TFAP2A: variants seen among roughly 807,000 people sequenced by gnomAD.
TFAP2A encodes the protein transcription factor AP-2-alpha.
A neutral mutation model predicts 41.5 loss-of-function variants in TFAP2A; 7 were observed. The observed-to-expected ratio is 0.17, with a 90% CI of 0.10 to 0.32. The LOEUF (loss-of-function observed/expected upper bound fraction) is 0.32, where lower values mean the gene tolerates loss of function less well. Among genes scored for constraint, TFAP2A ranks in the 10% least tolerant of loss-of-function variants. The probability of loss-of-function intolerance (pLI) is 1.00; values close to 1 mark genes in which losing one functional copy is unlikely to be tolerated. For missense variants in TFAP2A, 416 were observed against 563.3 expected (o/e 0.74, Z 2.65); for synonymous variants, 247 against 242.8 (o/e 1.02, Z -0.16).
At chr6:10,411,292 A>G (rs1208856521) in intron 1 of TFAP2A, among the ~76,000 whole-genome samples, 2 of 152,164 alleles carry the variant, frequency 1.3e-5, no homozygotes, top group Non-Finnish European at 2.9e-5. Context: ...AAGGAAATCA[A>G]GATGAACGTG....
upstream of TFAP2A, chr6:10,415,657 T>C (rs1758215138): frequency 6.4e-6 from 1 of 155,314 alleles, no homozygotes; most frequent in African/African-American, 2.4e-5. Context: ...AGCTGCCCTT[T>C]TGGCCCCGTG....
In TFAP2A at chr6:10,404,336, G is replaced by T. The variant is rs1458901772; in HGVS notation, c.770+172C>A. Among the ~76,000 whole-genome samples, 19 of 147,952 alleles carry T rather than the reference G, an allele frequency of 1.3e-4. 1 individual carries two copies. The highest frequency in any genetic ancestry group is 4.4e-4 in the African/African-American group (18 of 40,554). On this transcript the variant is annotated intron_variant, in intron 4 of 6. Transcript: ENST00000379613. ...CGCGCGCCGCATCGCCCGCTCCCCC[G>T]CCCCCAGATCCCGCCCACTTGGCTC... is the stretch of plus-strand genomic sequence containing the variant.
chr6:10,402,452 A>G, intron 5 of TFAP2A, 40 bp downstream of exon 5: 1 of 1,446,008 alleles, frequency 6.9e-7, no homozygotes, highest in Non-Finnish European at 9.7e-7. Context: ...CCATTTTCCA[A>G]GAAGGAAGTT....
At chr6:10,412,849 T>A (rs554807479) in intron 1 of TFAP2A, 1 of 159,486 alleles carries the variant, frequency 6.3e-6, no homozygotes, top group South Asian at 1.6e-4. Flanking sequence ...CCTCTTGAGC[T>A]TTCCTCGGAC....
At chr6:10,419,391 A>G (rs866411531), upstream of TFAP2A, 2 of 1,611,110 alleles carry the variant, frequency 1.2e-6, no homozygotes, top group African/African-American at 1.3e-5. Flanking sequence ...GCCCACCTCA[A>G]CCCCAGCCAA....
intron 2 of TFAP2A, chr6:10,409,590 G>C (rs924309143): frequency 8.3e-6 from 3 of 362,790 alleles, no homozygotes; most frequent in African/African-American, 6.2e-5. Context: ...TTTAGCAATT[G>C]AGACAGTTTA....
intron 1 of TFAP2A, chr6:10,411,902 G>A (rs1243805429): frequency 7.9e-7 from 1 of 1,265,420 alleles, no homozygotes; most frequent in African/African-American, 1.5e-5. Context: ...AAAGGAAAAA[G>A]TATGTGTGAG....
Position 10,398,728 on chromosome 6 carries a change from A to T in TFAP2A, c.1032-23T>A. On this transcript the variant is annotated intron_variant, in intron 6 of 6. Coordinates refer to ENST00000379613, the MANE Select transcript of TFAP2A (RefSeq NM_001372066.1). The surrounding 1 kb of genome is among the most constrained non-coding windows in gnomAD (Gnocchi z 5.3). The stretch of plus-strand genomic sequence containing the variant: ...TGTCTGCAGCACAAGTGGAGCAGAG[A>T]GAGAGACATAAGGCTCCACTATGGG... 6.2e-7 allele frequency: 1 copy of T among 1,613,412 alleles called. No homozygotes were observed.
At chr6:10,417,292 G>C (rs149371634), upstream of TFAP2A, 1 of 152,468 alleles carries the variant, frequency 6.6e-6, no homozygotes, top group African/African-American at 2.4e-5. Flanking sequence ...GCGCCCAACA[G>C]ATCTCCGGCT....
Position 10,398,381 on chromosome 6 carries a change from G to A in TFAP2A, c.*36C>T. The A allele has an allele frequency of 6.2e-7, 1 of 1,611,264 alleles. No homozygotes were observed. The highest frequency in any genetic ancestry group is 8.5e-7 in the Non-Finnish European group (1 of 1,179,314). ...CCGGAGGGTGGGCGCGCGGGGGGCT[G>A]GTGAGGCGTGGGAGGGGCGGGGCGG... On this transcript the variant is annotated 3_prime_UTR_variant, in exon 7 of 7. Transcript: ENST00000379613. The surrounding 1 kb of genome is among the most constrained non-coding windows in gnomAD (Gnocchi z 5.3).
intron 6 of TFAP2A, among the ~76,000 whole-genome samples, chr6:10,399,622 G>A (rs781268079): frequency 2.0e-5 from 3 of 152,206 alleles, no homozygotes; most frequent in Non-Finnish European, 4.4e-5. Context: ...CCTTCTCCAA[G>A]GCCAGCTGAT....
Position 10,410,262 on chromosome 6 carries a change from G to T in TFAP2A, c.125C>A (p.Thr42Lys). The change falls in exon 2 of 7, where the codon ACG becomes AAG. Residue 42 changes from threonine (T) to lysine (K), a missense_variant. Coordinates refer to ENST00000379613, the MANE Select transcript of TFAP2A (RefSeq NM_001372066.1). Reference sequence around the variant, plus strand: ...GGTGTGGGACAGCGGCGGGGCGCTCGTGTAGGGAGATTGACCTACAGTGCC... The same window carrying T: ...GGTGTGGGACAGCGGCGGGGCGCTCTTGTAGGGAGATTGACCTACAGTGCC... ...QLGTVGQSPY[T>K]SAPPLSHTPN... 7 of 1,613,308 alleles carry T rather than the reference G, an allele frequency of 4.3e-6. No homozygotes were observed. The highest frequency in any genetic ancestry group is 5.9e-6 in the Non-Finnish European group (7 of 1,179,802).
chr6:10,404,652 G>A lies in TFAP2A; in HGVS notation c.626C>T (p.Pro209Leu). ...KDNLFGGVVN[P>L]NEVFCSVPGR... ...CGGAACTGAACAGAAGACTTCGTTGGGGTTCACCACGCCGCCGAAGAGGTT... is the reference window on the plus strand; with the variant it reads ...CGGAACTGAACAGAAGACTTCGTTGAGGTTCACCACGCCGCCGAAGAGGTT... Residue 209 changes from proline to leucine, a missense_variant, in exon 4 of 7, where the codon CCC becomes CTC. By Grantham distance (98) the Pro-to-Leu change is moderately conservative. This residue lies in a region of TFAP2A where 241 missense variants were observed against 274.1 expected (regional missense o/e 0.88). Transcript: ENST00000379613. The A allele has an allele frequency of 6.2e-7, 1 of 1,614,196 alleles. No homozygotes were observed. Among genetic ancestry groups the A allele is most frequent in the Non-Finnish European group, 8.5e-7 (1 of 1,180,032 alleles).
chr6:10,405,341 T>C (rs1757660010), intron 3 of TFAP2A: 2 of 152,386 alleles, frequency 1.3e-5, no homozygotes, highest in Non-Finnish European at 2.9e-5. Flanking sequence ...GTCTTTTTGA[T>C]AAATAGGCCC....
intron 1 of TFAP2A, chr6:10,411,760 C>T (rs932976925): frequency 2.7e-6 from 4 of 1,478,604 alleles, no homozygotes; most frequent in Middle Eastern, 2.5e-4. Context: ...CGCGGGAGCC[C>T]GGCTCGGATC....
rs1254939046 is a variant in TFAP2A at position 10,397,972 on chromosome 6, G to A, written c.*445C>T. The A allele has an allele frequency of 7.8e-6, 8 of 1,026,614 alleles. No individual in the cohort carries two copies. The highest frequency in any genetic ancestry group is 9.4e-6 in the Non-Finnish European group (8 of 855,372). 63.6% of individuals were successfully genotyped at this position (1,026,614 alleles called of 1,614,324 possible). A position where few individuals can be genotyped will look rare whatever the true frequency, so the allele number is the denominator to read the frequency against. Reference sequence around the variant, plus strand: ...GAACTGAAGTATGTAAGGGAAGGTGGTGACTCAGTCCCATGAAGCGCATAT... The same window carrying A: ...GAACTGAAGTATGTAAGGGAAGGTGATGACTCAGTCCCATGAAGCGCATAT... On this transcript the variant is annotated 3_prime_UTR_variant, in exon 7 of 7. Transcript: ENST00000379613.
rs1757744611 is a variant in TFAP2A at position 10,407,007 on chromosome 6, G to C, written c.487-163C>G. ...CTCATCTTGGCTTATTGGAATTTGG[G>C]GCTTTGCAACTCAAGAGGTTTCACT... On this transcript the variant is annotated intron_variant, in intron 2 of 6. Transcript: ENST00000379613. 7.4e-6 allele frequency: 5 copies of C among 674,922 alleles called. No individual in the cohort carries two copies. The East Asian group carries it at 1.4e-4, about 18-fold the overall frequency. 41.8% of individuals were successfully genotyped at this position (674,922 alleles called of 1,614,324 possible).
In TFAP2A at chr6:10,398,404, CG is replaced by C. The variant is rs767561818; in HGVS notation, c.*12del. Reference sequence around the variant, plus strand: ...CTGGTGAGGCGTGGGAGGGGCGGGGCGGGAGGAGAGCCTCACTTTCTGTGCT... The same window carrying C: ...CTGGTGAGGCGTGGGAGGGGCGGGGCGGAGGAGAGCCTCACTTTCTGTGCT... On this transcript the variant is annotated 3_prime_UTR_variant, in exon 7 of 7. Transcript: ENST00000379613. The surrounding 1 kb of genome is among the most constrained non-coding windows in gnomAD (Gnocchi z 5.3). The C allele has an allele frequency of 7.8e-6, 6 of 765,230 alleles. No individual in the cohort carries two copies. The highest frequency in any genetic ancestry group is 9.4e-6 in the Non-Finnish European group (5 of 533,626). The allele number at this position is 765,230 out of a possible 1,614,324, so 47.4% of individuals were successfully genotyped here. A position where few individuals can be genotyped will look rare whatever the true frequency, so the allele number is the denominator to read the frequency against.
chr6:10,415,011 T>A lies in TFAP2A; in HGVS notation c.-20A>T, dbSNP rs554417616. On this transcript the variant is annotated 5_prime_UTR_variant, in exon 1 of 7. Transcript: ENST00000379613. ...TTTCATGGATCGGCGTGAACGGATA[T>A]GCCCCTCTCGGTCTCGCACCCAAGT... The A allele has an allele frequency of 6.2e-7, 1 of 1,614,096 alleles. No homozygotes were observed. The highest frequency in any genetic ancestry group is 8.5e-7 in the Non-Finnish European group (1 of 1,180,020).
Sources: allele counts gnomAD v4.1 joint callset (sites outside exome capture counted in the v4.1 genomes callset), GRCh38; gene constraint gnomAD v4.1.1; regional missense constraint gnomAD v4.1.1; non-coding constraint Gnocchi (gnomAD v3.1); transcripts MANE v1.5; gene names NCBI Gene and HGNC (gene_info 2026-07-23, HGNC 2026-07-21).